The following PRNP variants were observed in gnomAD, a reference collection of about 807,000 sequenced individuals.
PRNP encodes the protein major prion protein.
In PRNP, 15 loss-of-function variants were observed where a neutral mutation model predicts 21.3. The ratio of observed to expected loss-of-function variants is 0.71; its 90% CI spans 0.47 to 1.09. PRNP has a LOEUF of 1.09. Ranked by LOEUF, PRNP falls within the 50% of genes least tolerant of loss-of-function variation. The probability of loss-of-function intolerance (pLI) is 0.00; values close to 1 mark genes in which losing one functional copy is unlikely to be tolerated. For missense variants in PRNP, 285 were observed against 340.9 expected, an observed-to-expected ratio of 0.84 and a Z score of 1.29; for synonymous variants, 121 against 123.1, an observed-to-expected ratio of 0.98 and a Z score of 0.11.
In PRNP at chr20:4,697,915, C is replaced by G. The variant is rs1395159360; in HGVS notation, c.-10-1296C>G. Among the ~76,000 whole-genome samples the G allele has an allele frequency of 6.6e-6, 1 of 152,128 alleles. No individual in the cohort carries two copies. The highest frequency in any genetic ancestry group is 1.5e-5 in the Non-Finnish European group (1 of 68,034). On this transcript the variant is annotated intron_variant, in intron 1 of 1. Coordinates refer to ENST00000379440, the MANE Select transcript of PRNP (RefSeq NM_000311.5). The surrounding 1 kb of genome is among the most constrained non-coding windows in gnomAD (Gnocchi z 4.6). ...AGCTACTGAGATTTGCTGATAGATC[C>G]AATGTATGCTGGGAGAGAAAATTCA... is the stretch of plus-strand genomic sequence containing the variant.
intron 1 of PRNP, among the ~76,000 whole-genome samples, chr20:4,688,718 T>C (rs77894234): frequency 0.02 from 3,032 of 152,300 alleles, 93 homozygotes; most frequent in African/African-American, 0.067. Flanking sequence ...GCCTGTGATA[T>C]GTGGGGAAAA....
rs1183828550 is a variant in PRNP at position 4,700,153 on chromosome 20, C to T, written c.*171C>T. 6.5e-7 allele frequency: 1 copy of T among 1,543,114 alleles called. No homozygotes were observed. Among genetic ancestry groups the T allele is most frequent in the African/African-American group, 1.4e-5 (1 of 72,876 alleles). The stretch of plus-strand genomic sequence containing the variant: ...GGGCACTGGAAAACATAGAGTAGAC[C>T]TGAGATGCTGGTCAAGCCCCCTTTG... On this transcript the variant is annotated 3_prime_UTR_variant, in exon 2 of 2. Transcript: ENST00000379440. This position sits in a 1 kb window ranked among gnomAD's most constrained non-coding sequence, Gnocchi z 4.1.
chr20:4,698,213 C>G (rs1040090291), intron 1 of PRNP, among the ~76,000 whole-genome samples: 3 of 152,162 alleles, frequency 2.0e-5, no homozygotes, highest in African/African-American at 7.2e-5. Flanking sequence ...AGTACTTTAA[C>G]TCTGCTTGTA....
chr20:4,700,244 G>A lies in PRNP; in HGVS notation c.*262G>A, dbSNP rs1922521229. The A allele has an allele frequency of 3.9e-5, 45 of 1,159,498 alleles. 1 individual carries two copies. The Middle Eastern group carries it at 7.6e-4, about 20-fold the overall frequency. The allele number at this position is 1,159,498 out of a possible 1,614,324, so 71.8% of individuals were successfully genotyped here. ...AAAGTATAACAGCAAATAACCATTG[G>A]TTAATCTGGACTTATTTTTGGACTT... On this transcript the variant is annotated 3_prime_UTR_variant, in exon 2 of 2. Transcript: ENST00000379440. The surrounding 1 kb of genome is among the most constrained non-coding windows in gnomAD (Gnocchi z 4.1).
chr20:4,691,495 C>T (rs749745565), intron 1 of PRNP, among the ~76,000 whole-genome samples: 2 of 152,104 alleles, frequency 1.3e-5, no homozygotes, highest in East Asian at 1.9e-4. Flanking sequence ...TTTTGTCAAA[C>T]GCTTTTTCTG....
intron 1 of PRNP, among the ~76,000 whole-genome samples, chr20:4,696,632 C>A (rs989077821): frequency 1.3e-4 from 20 of 152,208 alleles, no homozygotes; most frequent in Admixed American, 6.5e-5. Flanking sequence ...TTGGACAGCA[C>A]CTTGAGTCCC....
At chr20:4,687,160 G>T (rs1372642180) in intron 1 of PRNP, among the ~76,000 whole-genome samples, 1 of 152,114 alleles carries the variant, frequency 6.6e-6, no homozygotes, top group Non-Finnish European at 1.5e-5. Flanking sequence ...CATCCTCGCC[G>T]CCTGAGCTTC....
In PRNP at chr20:4,699,336, C is replaced by T. The variant is rs747019990; in HGVS notation, c.116C>T (p.Pro39Leu). The T allele has an allele frequency of 1.5e-5, 25 of 1,613,602 alleles. No individual in the cohort carries two copies. Among genetic ancestry groups the T allele is most frequent in the African/African-American group, 2.7e-5 (2 of 74,802 alleles). The change falls in exon 2 of 2, where the codon CCG (proline) becomes CTG (leucine). Residue 39 changes from proline to leucine, a missense_variant. By Grantham distance (98) the Pro-to-Leu change is moderately conservative. Coordinates refer to ENST00000379440, the MANE Select transcript of PRNP (RefSeq NM_000311.5). The surrounding 1 kb of genome is among the most constrained non-coding windows in gnomAD (Gnocchi z 5.8). ...GGWNTGGSRY[P>L]GQGSPGGNRY... ...TGGAACACTGGGGGCAGCCGATACCCGGGGCAGGGCAGCCCTGGAGGCAAC... is the reference window on the plus strand; with the variant it reads ...TGGAACACTGGGGGCAGCCGATACCTGGGGCAGGGCAGCCCTGGAGGCAAC...
intron 1 of PRNP, among the ~76,000 whole-genome samples, chr20:4,694,646 G>A (rs961863263): frequency 5.9e-5 from 9 of 151,572 alleles, no homozygotes; most frequent in Non-Finnish European, 1.0e-4. Context: ...TATTAAATTC[G>A]ATTTTCATCT....
Position 4,697,694 on chromosome 20 carries a change from C to T in PRNP, c.-10-1517C>T, listed in dbSNP as rs1429698612. ...TTATCCAGAGTACAAAGGAGCCTCA[C>T]TGAGGGACAAGGGAAGTGGCATGAT... On this transcript the variant is annotated intron_variant, in intron 1 of 1. Coordinates refer to ENST00000379440, the MANE Select transcript of PRNP (RefSeq NM_000311.5). This position sits in a 1 kb window ranked among gnomAD's most constrained non-coding sequence, Gnocchi z 4.6. Among the ~76,000 whole-genome samples the T allele has an allele frequency of 6.6e-6, 1 of 152,138 alleles. No individual in the cohort carries two copies. The highest frequency in any genetic ancestry group is 1.5e-5 in the Non-Finnish European group (1 of 68,034).
In PRNP at chr20:4,701,575, G is replaced by A. The variant is rs552701544; in HGVS notation, c.*1593G>A. ...AATATCTGACTGAAATTAAACGAGCGAAGATGAGCACCACCTCCCGTGTCT... is the reference window on the plus strand; with the variant it reads ...AATATCTGACTGAAATTAAACGAGCAAAGATGAGCACCACCTCCCGTGTCT... On this transcript the variant is annotated 3_prime_UTR_variant, in exon 2 of 2. Coordinates refer to ENST00000379440, the MANE Select transcript of PRNP (RefSeq NM_000311.5). This position sits in a 1 kb window ranked among gnomAD's most constrained non-coding sequence, Gnocchi z 4.2. 3 of 167,108 alleles carry A rather than the reference G, an allele frequency of 1.8e-5. No homozygotes were observed. The highest frequency in any genetic ancestry group is 2.1e-4 in the South Asian group (1 of 4,826). 10.4% of individuals were successfully genotyped at this position (167,108 alleles called of 1,614,324 possible). A position where few individuals can be genotyped will look rare whatever the true frequency, so the allele number is the denominator to read the frequency against.
chr20:4,700,777 C>A lies in PRNP; in HGVS notation c.*795C>A, dbSNP rs921687825. ...TTTAAAGGACCCTATATGTGGCATT[C>A]CTTTCTTTAAACTATAGGTAATTAA... is the stretch of plus-strand genomic sequence containing the variant. On this transcript the variant is annotated 3_prime_UTR_variant, in exon 2 of 2. Coordinates refer to ENST00000379440, the MANE Select transcript of PRNP (RefSeq NM_000311.5). The surrounding 1 kb of genome is among the most constrained non-coding windows in gnomAD (Gnocchi z 4.1). 1.8e-5 allele frequency: 3 copies of A among 167,714 alleles called. No homozygotes were observed. The highest frequency in any genetic ancestry group is 4.4e-5 in the Non-Finnish European group (3 of 68,626). 10.4% of individuals were successfully genotyped at this position (167,714 alleles called of 1,614,324 possible).
chr20:4,699,761 A>T lies in PRNP; in HGVS notation c.541A>T (p.Asn181Tyr). 1 of 1,613,908 alleles carries T rather than the reference A, an allele frequency of 6.2e-7. No homozygotes were observed. Among genetic ancestry groups the T allele is most frequent in the African/African-American group, 1.3e-5 (1 of 74,942 alleles). ...NQNNFVHDCV[N>Y]ITIKQHTVTT... ...GAACAACTTTGTGCACGACTGCGTCAATATCACAATCAAGCAGCACACGGT... is the reference window on the plus strand; with the variant it reads ...GAACAACTTTGTGCACGACTGCGTCTATATCACAATCAAGCAGCACACGGT... The change falls in exon 2 of 2, where the codon AAT (asparagine) becomes TAT (tyrosine). Residue 181 changes from asparagine (N) to tyrosine (Y), a missense_variant. Transcript: ENST00000379440. This position sits in a 1 kb window ranked among gnomAD's most constrained non-coding sequence, Gnocchi z 5.8.
At chr20:4,694,488 G>C (rs1476172012) in intron 1 of PRNP, among the ~76,000 whole-genome samples, 1 of 152,150 alleles carries the variant, frequency 6.6e-6, no homozygotes, top group Non-Finnish European at 1.5e-5. Context: ...ATTAAGGAAA[G>C]TTGCATAAAG....
chr20:4,690,661 AT>A (rs1477833675), intron 1 of PRNP, among the ~76,000 whole-genome samples: 2 of 152,176 alleles, frequency 1.3e-5, no homozygotes, highest in African/African-American at 4.8e-5. Flanking sequence ...TCTCTTTTGA[AT>A]TCTTTTTCAA....
chr20:4,688,421 G>A (rs1398016786), intron 1 of PRNP, among the ~76,000 whole-genome samples: 3 of 152,144 alleles, frequency 2.0e-5, no homozygotes, highest in African/African-American at 7.2e-5. Flanking sequence ...GCGTCTGTAT[G>A]TATGAGTTAT....
chr20:4,692,282 T>C (rs1374552190), intron 1 of PRNP, among the ~76,000 whole-genome samples: 1 of 152,232 alleles, frequency 6.6e-6, no homozygotes, highest in African/African-American at 2.4e-5. Context: ...CTTACTGCCA[T>C]TATGAATGAA....
intron 1 of PRNP, among the ~76,000 whole-genome samples, chr20:4,691,648 G>A (rs1467227473): frequency 1.3e-5 from 2 of 152,180 alleles, no homozygotes; most frequent in East Asian, 3.8e-4. Context: ...TTAATGAGCT[G>A]TTGAATTTGC....
intron 1 of PRNP, among the ~76,000 whole-genome samples, chr20:4,688,412 C>T (rs182290044): frequency 6.6e-6 from 1 of 152,220 alleles, no homozygotes; most frequent in African/African-American, 2.4e-5. Context: ...CTACTTTCTG[C>T]GTCTGTATGT....
Sources: allele counts gnomAD v4.1 joint callset (sites outside exome capture counted in the v4.1 genomes callset), GRCh38; gene constraint gnomAD v4.1.1; non-coding constraint Gnocchi (gnomAD v3.1); transcripts MANE v1.5; gene names NCBI Gene and HGNC (gene_info 2026-07-23, HGNC 2026-07-21).